Variants in OCRL observed in about 807,000 individuals in gnomAD.
The protein encoded by OCRL is OCRL inositol polyphosphate-5-phosphatase.
A neutral mutation model predicts 78.9 loss-of-function variants in OCRL; 8 were observed. The observed-to-expected ratio is 0.10, with a 90% confidence interval of 0.06 to 0.18. The LOEUF is 0.18. Ranked by LOEUF, OCRL falls within the 10% of genes least tolerant of loss-of-function variation. The pLI is 1.00. For missense variants in OCRL, 454 were observed against 696.7 expected, an observed-to-expected ratio of 0.65 and a Z score of 3.92; for synonymous variants, 240 against 235.4, an observed-to-expected ratio of 1.02 and a Z score of -0.18.
intron 15 of OCRL, among the ~76,000 whole-genome samples, chrX:129,573,817 C>T (rs763811663): frequency 8.9e-6 from 1 of 111,918 alleles, no homozygotes; most frequent in Non-Finnish European, 1.9e-5. Flanking sequence ...GCCTCGGCCT[C>T]CCGCAGTGCT....
At chrX:129,586,160 C>T (rs1212227242) in intron 19 of OCRL, among the ~76,000 whole-genome samples, 3 of 111,669 alleles carry the variant, frequency 2.7e-5, no homozygotes, top group Non-Finnish European at 5.6e-5. Context: ...ATTTCCTAGC[C>T]ATTTCCAATT....
At chrX:129,545,081 C>T (rs771795503) in intron 3 of OCRL, 44 bp downstream of exon 3, 18 of 693,501 alleles carry the variant, frequency 2.6e-5, no homozygotes, top group Non-Finnish European at 3.3e-5. Flanking sequence ...TGTTTTTTCT[C>T]GGTCATTACT....
At chrX:129,547,299 G>A (rs1399312553) in intron 3 of OCRL, among the ~76,000 whole-genome samples, 1 of 110,255 alleles carries the variant, frequency 9.1e-6, no homozygotes, top group South Asian at 3.9e-4. Context: ...GCCAAGGTGG[G>A]CAGATCACAA....
At chrX:129,544,832 T>A in intron 2 of OCRL, 126 bp from the exon 3 acceptor site, 1 of 519,836 alleles carries the variant, frequency 1.9e-6, no homozygotes, top group South Asian at 2.5e-5. Context: ...GATGCTCAGA[T>A]CCAGGGAACT....
chrX:129,589,592 T>C lies in OCRL; in HGVS notation c.2470-253T>C. On this transcript the variant is annotated intron_variant, in intron 22 of 23. Coordinates refer to ENST00000371113, the MANE Select transcript of OCRL (RefSeq NM_000276.4). ...AACACTGACCTATTGTGAGGCAGGG[T>C]GTGCGTATGAATGTGTGATGACCAC... 3 of 401,350 alleles carry C rather than the reference T, an allele frequency of 7.5e-6. No homozygotes were observed. In the South Asian group the frequency reaches 1.0e-4, roughly 14 times the overall value. The allele number at this position is 401,350 out of a possible 1,213,427, so 33.1% of individuals were successfully genotyped here. A position where few individuals can be genotyped will look rare whatever the true frequency, so the allele number is the denominator to read the frequency against.
chrX:129,558,258 A>G (rs1169383450), intron 6 of OCRL, among the ~76,000 whole-genome samples: 1 of 111,977 alleles, frequency 8.9e-6, no homozygotes, highest in Non-Finnish European at 1.9e-5. Context: ...AACAACTCTG[A>G]ACTTCCCTTT....
intron 18 of OCRL, 75 bp from the exon 19 acceptor site, chrX:129,584,269 C>A (rs1936481938): frequency 1.1e-6 from 1 of 946,316 alleles, no homozygotes; most frequent in Admixed American, 2.2e-5. Flanking sequence ...TAATACTGAT[C>A]TGTTTCTAAT....
intron 4 of OCRL, among the ~76,000 whole-genome samples, chrX:129,555,281 C>T (rs949588427): frequency 2.7e-5 from 3 of 110,186 alleles, no homozygotes; most frequent in South Asian, 7.9e-4. Context: ...TCGAGACCAG[C>T]CTGACCAACA....
rs1936573816 is a variant in OCRL at position 129,590,551 on chromosome X, A to T, written c.*281A>T. On this transcript the variant is annotated 3_prime_UTR_variant, in exon 24 of 24. Transcript: ENST00000371113. ...TGTATTTACACTCCTTCACCTAGGG[A>T]TGTGTTTGTTGCCCTCCTACCCAAT... 9.6e-6 allele frequency: 3 copies of T among 311,852 alleles called. No individual in the cohort carries two copies. The highest frequency in any genetic ancestry group is 5.4e-5 in the African/African-American group (2 of 36,818). The allele number at this position is 311,852 out of a possible 1,213,427, so 25.7% of individuals were successfully genotyped here.
rs1936371557 is a variant in OCRL, at chrX:129,576,567, A to G, written c.2115+15A>G. On this transcript the variant is annotated intron_variant, in intron 18 of 23. Transcript: ENST00000371113. ...TCATAGACTTGGTAAGAACTGTCCC[A>G]AGACATAAACCTCTTTTACATTTAA... 9.1e-7 allele frequency: 1 copy of G among 1,097,719 alleles called. No homozygotes were observed. The highest frequency in any genetic ancestry group is 2.2e-5 in the Admixed American group (1 of 45,689). The allele number at this position is 1,097,719 out of a possible 1,213,427, so 90.5% of individuals were successfully genotyped here.
chrX:129,586,406 C>A (rs1422484446), intron 19 of OCRL, among the ~76,000 whole-genome samples: 1 of 111,907 alleles, frequency 8.9e-6, no homozygotes, highest in South Asian at 3.7e-4. Flanking sequence ...TTAAGGCTTA[C>A]GAGTTTTAGC....
At chrX:129,544,414 CAGCTGGCTG>C (rs1935849959) in intron 2 of OCRL, among the ~76,000 whole-genome samples, 1 of 111,400 alleles carries the variant, frequency 9.0e-6, no homozygotes, top group South Asian at 3.8e-4. Flanking sequence ...TTGACCAATC[CAGCTGGCTG>C]AGCACCCCCT....
intron 4 of OCRL, among the ~76,000 whole-genome samples, chrX:129,555,337 T>G (rs1231520449): frequency 9.0e-6 from 1 of 110,781 alleles, no homozygotes; most frequent in Non-Finnish European, 1.9e-5. Context: ...TAGCCGGACA[T>G]GGTGGCGGGC....
At chrX:129,567,636 C>T (rs1936234873) in intron 14 of OCRL, among the ~76,000 whole-genome samples, 1 of 112,185 alleles carries the variant, frequency 8.9e-6, no homozygotes, top group African/African-American at 3.2e-5. Flanking sequence ...CTCACCTCAG[C>T]AAACTTGCTT....
chrX:129,548,559 T>A lies in OCRL; in HGVS notation c.200-4T>A. Reference sequence around the variant, plus strand: ...ATCCTACTCTCTTTTTTTTCCCCTCTCAGAAGCAGAAGAAACTCTTTTGAT... The same window carrying A: ...ATCCTACTCTCTTTTTTTTCCCCTCACAGAAGCAGAAGAAACTCTTTTGAT... On this transcript the variant is annotated splice_polypyrimidine_tract_variant and splice_region_variant and intron_variant, in intron 3 of 23. Coordinates refer to ENST00000371113, the MANE Select transcript of OCRL (RefSeq NM_000276.4). The A allele has an allele frequency of 8.3e-7, 1 of 1,202,244 alleles. No homozygotes were observed. The highest frequency in any genetic ancestry group is 1.1e-6 in the Non-Finnish European group (1 of 886,936).
chrX:129,545,119 A>G, intron 3 of OCRL, 82 bp downstream of exon 3: 4 of 561,458 alleles, frequency 7.1e-6, no homozygotes, highest in Non-Finnish European at 1.3e-5. Context: ...ACATATTTAA[A>G]TTTGTCAGTG....
chrX:129,568,006 C>T (rs1266990203), intron 14 of OCRL, among the ~76,000 whole-genome samples: 1 of 109,020 alleles, frequency 9.2e-6, no homozygotes, highest in Non-Finnish European at 1.9e-5. Context: ...CTCCGCTTCC[C>T]GGGTTCACGC....
chrX:129,553,607 A>C (rs888043308), intron 4 of OCRL, among the ~76,000 whole-genome samples: 1 of 112,151 alleles, frequency 8.9e-6, no homozygotes, highest in Admixed American at 9.4e-5. Context: ...AGGAGGTTTG[A>C]TAGGAGTGAT....
At chrX:129,573,217 T>A (rs767803467) in intron 15 of OCRL, among the ~76,000 whole-genome samples, 3 of 108,859 alleles carry the variant, frequency 2.8e-5, no homozygotes, top group East Asian at 3.1e-4. Context: ...TTCAACATTT[T>A]AAAAAATTTT....
Sources: allele counts gnomAD v4.1 joint callset (sites outside exome capture counted in the v4.1 genomes callset), GRCh38; gene constraint gnomAD v4.1.1; transcripts MANE v1.5; gene names NCBI Gene and HGNC (gene_info 2026-07-23, HGNC 2026-07-21).